The following MED15 variants were observed in gnomAD, a reference collection of about 807,000 sequenced individuals.
MED15 encodes mediator complex subunit 15.
Under a neutral mutation model 118.7 loss-of-function variants are expected in MED15, and 41 were observed. That is an observed-to-expected ratio of 0.35 (90% CI 0.27 to 0.45). The LOEUF (loss-of-function observed/expected upper bound fraction) is 0.45, where lower values mean the gene tolerates loss of function less well. Ranked by LOEUF, MED15 falls within the 20% of genes least tolerant of loss-of-function variation. MED15 has a pLI of 1.00. For synonymous variants in MED15, 436 were observed against 413.9 expected, an observed-to-expected ratio of 1.05 and a Z score of -0.65; for missense variants, 740 against 1,025.5, an observed-to-expected ratio of 0.72 and a Z score of 3.80.
intron 1 of MED15, among the ~76,000 whole-genome samples, chr22:20,536,084 C>G (rs929818460): frequency 2.6e-5 from 4 of 151,660 alleles, no homozygotes; most frequent in African/African-American, 9.7e-5. Context: ...CCATGTTGGT[C>G]AGGTTGGTCT....
intron 13 of MED15, chr22:20,584,098 A>G (rs1355706311): frequency 3.7e-6 from 2 of 533,844 alleles, no homozygotes; most frequent in East Asian, 3.3e-5. Flanking sequence ...CTACATGACA[A>G]TGAGGCATTC....
intron 1 of MED15, among the ~76,000 whole-genome samples, chr22:20,529,548 C>G (rs2054779791): frequency 1.3e-5 from 2 of 152,174 alleles, no homozygotes; most frequent in South Asian, 4.1e-4. Context: ...CCTCGGCCTC[C>G]CGAGTAACTG....
chr22:20,566,526 ACAGCAGCAGCAGCAG>A lies in MED15; in HGVS notation c.772_786del (p.Gln258_Gln262del). ...CACAGCTGCAGCTCCAACAACAGCA[ACAGCAGCAGCAGCAG>A]CAGCAGCAGCAGCAGCAGCAGGCTT... On this transcript the variant is annotated inframe_deletion, in exon 7 of 18. Transcript: ENST00000263205. The A allele has an allele frequency of 1.8e-4, 288 of 1,601,790 alleles. No individual in the cohort carries two copies. Among genetic ancestry groups the A allele is most frequent in the South Asian group, 3.0e-4 (27 of 90,644 alleles).
chr22:20,566,778 C>A lies in MED15; in HGVS notation c.1002C>A (p.Leu334=), dbSNP rs1273594863. ...CTTTGGTGTCACAGGCGCAAGCTCT[C>A]CCTGGACAAATGTTGTATACCCAAC... ...TQPLVSQAQA[L]PGQMLYTQPP... Residue 334 remains leucine, a synonymous_variant, in exon 7 of 18, where the codon CTC becomes CTA. Coordinates refer to ENST00000263205, the MANE Select transcript of MED15 (RefSeq NM_001003891.3). 2 of 1,614,210 alleles carry A rather than the reference C, an allele frequency of 1.2e-6. No individual in the cohort carries two copies. Among genetic ancestry groups the A allele is most frequent in the South Asian group, 2.2e-5 (2 of 91,080 alleles).
chr22:20,515,639 A>C (rs2054223141), intron 1 of MED15, among the ~76,000 whole-genome samples: 1 of 151,772 alleles, frequency 6.6e-6, no homozygotes, highest in Non-Finnish European at 1.5e-5. Context: ...AAAATACAAA[A>C]ATTAGCTGGG....
intron 9 of MED15, among the ~76,000 whole-genome samples, chr22:20,577,014 A>G (rs886328646): frequency 2.6e-5 from 4 of 152,188 alleles, no homozygotes; most frequent in African/African-American, 9.7e-5. Context: ...TCAGTGTGCG[A>G]TATGTGCCAG....
intron 2 of MED15, chr22:20,551,162 T>C (rs1372949070): frequency 1.6e-6 from 1 of 626,178 alleles, no homozygotes; most frequent in Non-Finnish European, 3.1e-6. Flanking sequence ...CTCCCAGCTC[T>C]CTCAGCTGAG....
At position 20,584,938 on chromosome 22, in the gene MED15, C is replaced by T. The variant is rs1372153288; in HGVS notation, c.1887C>T (p.Ile629=). The T allele has an allele frequency of 4.3e-6, 7 of 1,613,986 alleles. No individual in the cohort carries two copies. Among genetic ancestry groups the T allele is most frequent in the Non-Finnish European group, 5.1e-6 (6 of 1,180,044 alleles). Residue 629 remains isoleucine (I), a synonymous_variant, in exon 15 of 18, where the codon ATC becomes ATT. Transcript: ENST00000263205. ...TCCTGGATGCCGTCCTGGCCAACAT[C>T]CGCTCACCTGTCTTCAACCATTCCC... is the stretch of plus-strand genomic sequence containing the variant. ...QPLLDAVLAN[I]RSPVFNHSLY...
chr22:20,538,907 G>T (rs142664482), intron 2 of MED15, among the ~76,000 whole-genome samples: 4,505 of 151,832 alleles, frequency 0.03, 227 homozygotes, highest in African/African-American at 0.1. Context: ...CATCATGTTG[G>T]CCAGGCTGGT....
intron 1 of MED15, among the ~76,000 whole-genome samples, chr22:20,513,357 G>A (rs1213166130): frequency 6.7e-6 from 1 of 149,828 alleles, no homozygotes; most frequent in Non-Finnish European, 1.5e-5. Context: ...TCAGCTCACT[G>A]CAACCTCTGC....
chr22:20,549,397 C>T (rs1452944870), intron 2 of MED15, among the ~76,000 whole-genome samples: 4 of 151,732 alleles, frequency 2.6e-5, no homozygotes, highest in Non-Finnish European at 5.9e-5. Context: ...CTTTTTTCTG[C>T]AGCAGTTCTA....
chr22:20,553,520 T>C (rs567595928), intron 4 of MED15, among the ~76,000 whole-genome samples: 1 of 152,366 alleles, frequency 6.6e-6, no homozygotes, highest in African/African-American at 2.4e-5. Flanking sequence ...TAATATGTAG[T>C]AGCATTTCTG....
chr22:20,521,087 T>TC (rs2054432280), intron 1 of MED15, among the ~76,000 whole-genome samples: 1 of 121,182 alleles, frequency 8.3e-6, no homozygotes, highest in Non-Finnish European at 1.7e-5. Context: ...GCAGTTGTTC[T>TC]ATTTTTTTTT....
chr22:20,572,319 G>A (rs1386058155), intron 8 of MED15, among the ~76,000 whole-genome samples: 1 of 152,234 alleles, frequency 6.6e-6, no homozygotes, highest in African/African-American at 2.4e-5. Flanking sequence ...GCCGCGTGCT[G>A]CGGAAACAGG....
intron 4 of MED15, among the ~76,000 whole-genome samples, 183 bp downstream of exon 4, chr22:20,553,357 T>C (rs1030585199): frequency 2.0e-5 from 3 of 151,796 alleles, no homozygotes; most frequent in African/African-American, 7.3e-5. Context: ...TTCGTCTTCC[T>C]GCAGACTGTG....
At chr22:20,564,802 A>AC (rs976606148) in intron 6 of MED15, 114 bp downstream of exon 6, 5 of 1,521,282 alleles carry the variant, frequency 3.3e-6, no homozygotes, top group Non-Finnish European at 4.5e-6. Flanking sequence ...TTCTCTTGAC[A>AC]CGTGTGCCTG....
chr22:20,531,004 T>A (rs974325085), intron 1 of MED15, among the ~76,000 whole-genome samples: 1 of 152,204 alleles, frequency 6.6e-6, no homozygotes, highest in African/African-American at 2.4e-5. Flanking sequence ...CAGTGCCTTA[T>A]AATATTAACT....
In MED15 at chr22:20,582,537, T is replaced by C. The variant is rs927750778; in HGVS notation, c.1273-74T>C. On this transcript the variant is annotated intron_variant, in intron 9 of 17. Coordinates refer to ENST00000263205, the MANE Select transcript of MED15 (RefSeq NM_001003891.3). ...CTGTGCGGGAGGATGGGCCTATGCG[T>C]GCGGTGGGCAGGTGGTGTGGAGGCA... 2.6e-6 allele frequency: 4 copies of C among 1,532,686 alleles called. No homozygotes were observed. The African/African-American group carries it at 5.5e-5, about 21-fold the overall frequency. The allele number at this position is 1,532,686 out of a possible 1,614,324, so 94.9% of individuals were successfully genotyped here.
intron 1 of MED15, chr22:20,507,995 C>A: frequency 7.0e-7 from 1 of 1,426,090 alleles, no homozygotes; most frequent in Non-Finnish European, 9.2e-7. Flanking sequence ...TCGTCTTGAG[C>A]TTTCTCATTC....
Sources: allele counts gnomAD v4.1 joint callset (sites outside exome capture counted in the v4.1 genomes callset), GRCh38; gene constraint gnomAD v4.1.1; transcripts MANE v1.5; gene names NCBI Gene and HGNC (gene_info 2026-07-23, HGNC 2026-07-21).